The following TMEM114 variants were observed in gnomAD, a reference collection of about 807,000 sequenced individuals.
TMEM114 encodes transmembrane protein 114, also known as claudin-26.
TMEM114 carries 6 observed loss-of-function variants against 6.2 expected under a neutral mutation model. The ratio of observed to expected loss-of-function variants is 0.97; its 90% CI spans 0.53 to 1.91. The LOEUF (loss-of-function observed/expected upper bound fraction) is 1.91, where lower values mean the gene tolerates loss of function less well. Ranked by LOEUF, TMEM114 falls within the 40% of genes most tolerant of loss-of-function variation. The probability of loss-of-function intolerance (pLI) is 0.01; values close to 1 mark genes in which losing one functional copy is unlikely to be tolerated. For missense variants in TMEM114, 218 were observed against 158.3 expected, an observed-to-expected ratio of 1.38 and a Z score of -2.02; for synonymous variants, 104 against 73.0, an observed-to-expected ratio of 1.42 and a Z score of -2.16.
At chr16:8,575,874 T>A (rs1402049991) in intron 2 of TMEM114, among the ~76,000 whole-genome samples, 1 of 152,230 alleles carries the variant, frequency 6.6e-6, no homozygotes, top group Non-Finnish European at 1.5e-5. Flanking sequence ...GTGGAAAGCC[T>A]GTTACAACCA....
intron 2 of TMEM114, among the ~76,000 whole-genome samples, chr16:8,559,672 G>T (rs1901136170): frequency 6.6e-6 from 1 of 152,202 alleles, no homozygotes; most frequent in Non-Finnish European, 1.5e-5. Context: ...AAATAGAAAT[G>T]AATGTGGGAC....
intron 2 of TMEM114, among the ~76,000 whole-genome samples, chr16:8,579,185 C>T (rs187225065): frequency 3.3e-5 from 5 of 152,272 alleles, no homozygotes; most frequent in African/African-American, 1.2e-4. Context: ...GTTCAAAGAG[C>T]TGCTCAGTGG....
At chr16:8,569,335 C>G (rs922331934), downstream of TMEM114, among the ~76,000 whole-genome samples, 11 of 152,176 alleles carry the variant, frequency 7.2e-5, no homozygotes, top group Non-Finnish European at 1.3e-4. Context: ...AAAAGGAACT[C>G]CAGGCCAGAG....
chr16:8,567,598 G>A (rs920250586), downstream of TMEM114, among the ~76,000 whole-genome samples: 31 of 152,128 alleles, frequency 2.0e-4, no homozygotes, highest in African/African-American at 7.5e-4. Flanking sequence ...CTTCCCACTG[G>A]AGCTGCCGGT....
At chr16:8,556,551 G>C (rs909860298) in intron 2 of TMEM114, among the ~76,000 whole-genome samples, 4 of 152,076 alleles carry the variant, frequency 2.6e-5, no homozygotes, top group Non-Finnish European at 5.9e-5. Flanking sequence ...GCCCAGGCTG[G>C]AGTGCAATGG....
At chr16:8,538,030 G>A (rs1426988856) in intron 2 of TMEM114, among the ~76,000 whole-genome samples, 1 of 143,794 alleles carries the variant, frequency 7.0e-6, no homozygotes, top group Non-Finnish European at 1.5e-5. Flanking sequence ...TGGGCGCCGT[G>A]ACTTACACCT....
chr16:8,560,201 T>A (rs1901155316), intron 2 of TMEM114, among the ~76,000 whole-genome samples: 1 of 152,004 alleles, frequency 6.6e-6, no homozygotes. Context: ...TCTTGCTATG[T>A]TGCTTAGGCT....
At chr16:8,554,381 A>G (rs1342303681) in intron 2 of TMEM114, among the ~76,000 whole-genome samples, 1 of 152,048 alleles carries the variant, frequency 6.6e-6, no homozygotes, top group African/African-American at 2.4e-5. Flanking sequence ...TGATTGCACC[A>G]AACTCTGTCT....
intron 2 of TMEM114, among the ~76,000 whole-genome samples, chr16:8,553,928 G>T (rs1330485425): frequency 6.6e-6 from 1 of 150,864 alleles, no homozygotes; most frequent in African/African-American, 2.4e-5. Context: ...ACCCAGGCTA[G>T]AGTACAGTGG....
At chr16:8,559,891 G>C (rs539276777) in intron 2 of TMEM114, among the ~76,000 whole-genome samples, 1 of 152,298 alleles carries the variant, frequency 6.6e-6, no homozygotes, top group Admixed American at 6.5e-5. Flanking sequence ...TGAGAAGTCG[G>C]GAGCCTGGGG....
intron 2 of TMEM114, among the ~76,000 whole-genome samples, chr16:8,577,775 C>T (rs1020691769): frequency 5.3e-5 from 8 of 151,838 alleles, no homozygotes; most frequent in Admixed American, 1.3e-4. Context: ...TTAGTAGAGA[C>T]GGCATTTCAC....
Position 8,545,173 on chromosome 16 carries a change from C to G in TMEM114, n.213-7347G>C, listed in dbSNP as rs1021116365. On this transcript the variant is annotated intron_variant and non_coding_transcript_variant, in intron 2 of 2. Coordinates refer to the TMEM114 transcript ENST00000623677. Reference sequence around the variant, plus strand: ...CTATTTTTGGCCAGGCTCAATGGCTCACACCTGTAATCCCAACACTTTGGG... The same window carrying G: ...CTATTTTTGGCCAGGCTCAATGGCTGACACCTGTAATCCCAACACTTTGGG... 1.1e-4 allele frequency among the ~76,000 whole-genome samples: 16 copies of G among 152,282 alleles called. No homozygotes were observed. In the East Asian group the frequency reaches 2.3e-3, roughly 22 times the overall value.
At chr16:8,531,921 G>C in the TMEM114 span, 1 of 152,194 alleles carries the variant, frequency 6.6e-6, no homozygotes, top group Non-Finnish European at 1.5e-5. Context: ...TATGAGATAG[G>C]AAACCTACCT....
At chr16:8,576,886 G>T (rs755571548) in intron 2 of TMEM114, among the ~76,000 whole-genome samples, 9 of 152,232 alleles carry the variant, frequency 5.9e-5, no homozygotes, top group Non-Finnish European at 1.2e-4. Flanking sequence ...CAGAAAGGAA[G>T]TTCACATGTA....
chr16:8,567,887 C>T (rs187807082), downstream of TMEM114, among the ~76,000 whole-genome samples: 415 of 152,282 alleles, frequency 2.7e-3, 3 homozygotes, highest in South Asian at 0.013. Flanking sequence ...TTTTCCCCAG[C>T]ATTGTAACTG....
In TMEM114 at chr16:8,589,832, C is replaced by G. The variant is rs1902431305; in HGVS notation, c.7G>C (p.Val3Leu). 1 of 398,106 alleles carries G rather than the reference C, an allele frequency of 2.5e-6. No individual in the cohort carries two copies. The highest frequency in any genetic ancestry group is 4.4e-6 in the Non-Finnish European group (1 of 225,762). 24.7% of individuals were successfully genotyped at this position (398,106 alleles called of 1,614,324 possible). MR[V>L]HLGGLAGAAA... is the part of the protein sequence containing the mutation. ...GCGCCGGCCAGCCCGCCCAGGTGCACCCGCATCGCCGAGCCCAGGACCAGC... is the reference window on the plus strand; with the variant it reads ...GCGCCGGCCAGCCCGCCCAGGTGCAGCCGCATCGCCGAGCCCAGGACCAGC... Residue 3 changes from valine (V) to leucine (L), a missense_variant, in exon 1 of 4, where the codon GTG becomes CTG. Transcript: ENST00000620492.
At chr16:8,569,088 G>A (rs990930239), downstream of TMEM114, among the ~76,000 whole-genome samples, 2 of 152,226 alleles carry the variant, frequency 1.3e-5, no homozygotes, top group African/African-American at 4.8e-5. Context: ...AGAGTCTGGG[G>A]CGCGCTAAAT....
At chr16:8,542,142 T>C (rs572011082) in intron 2 of TMEM114, among the ~76,000 whole-genome samples, 1 of 150,128 alleles carries the variant, frequency 6.7e-6, no homozygotes, top group African/African-American at 2.5e-5. Context: ...GGATGATTCG[T>C]GGGGGGGGGT....
At chr16:8,554,509 T>A (rs542876534) in intron 2 of TMEM114, among the ~76,000 whole-genome samples, 1 of 152,334 alleles carries the variant, frequency 6.6e-6, no homozygotes, top group Admixed American at 6.5e-5. Flanking sequence ...CCATTTGGAA[T>A]CATACGTGTG....
Sources: gnomAD v4.1 joint callset for allele counts (sites outside exome capture counted in the v4.1 genomes callset) on GRCh38, gnomAD v4.1.1 for gene constraint, MANE v1.5 for transcripts, NCBI Gene and HGNC (gene_info 2026-07-23, HGNC 2026-07-21) for gene names.